The following ANO1 variants were observed in gnomAD, a reference collection of about 807,000 sequenced individuals.
ANO1 encodes the protein anoctamin-1.
ANO1 carries 59 observed loss-of-function variants against 124.0 expected under a neutral mutation model. That is an observed-to-expected ratio of 0.48 (90% CI 0.39 to 0.59). ANO1 has a LOEUF of 0.59. ANO1 is among the 20% of genes least tolerant of loss of function. ANO1 has a pLI of 0.00. For synonymous variants in ANO1, 529 were observed against 532.0 expected (o/e 0.99, Z 0.08); for missense variants, 1,059 against 1,328.0 (o/e 0.80, Z 3.15).
intron 1 of ANO1, chr11:70,064,120 G>C (rs1857660578): frequency 6.6e-6 from 1 of 152,234 alleles, no homozygotes; most frequent in Non-Finnish European, 1.5e-5. Context: ...GCTTCCCTCG[G>C]GCTCCCTATA....
At chr11:70,148,302 C>A (rs1176679165) in intron 11 of ANO1, among the ~76,000 whole-genome samples, 1 of 149,894 alleles carries the variant, frequency 6.7e-6, no homozygotes, top group Non-Finnish European at 1.5e-5. Flanking sequence ...ATGGGAATAG[C>A]GCCTACCTCC....
rs764375332 is a variant in ANO1, at chr11:70,087,963, C to T, written c.320C>T (p.Ser107Leu). The part of the protein sequence containing the change: ...QDHPLPGKGA[S>L]LDAGSGEPPM... ...CACCCCCTGCCGGGCAAGGGGGCGT[C>T]GCTGGATGCAGGCTCGGGGGAGCCC... is the stretch of plus-strand genomic sequence containing the variant. Residue 107 changes from serine to leucine, a missense_variant, in exon 2 of 26, where the codon TCG (serine) becomes TTG (leucine). This residue lies in a region of ANO1 where 250 missense variants were observed against 233.1 expected (regional missense o/e 1.07). Transcript: ENST00000355303. 37 of 1,590,294 alleles carry T rather than the reference C, an allele frequency of 2.3e-5. No individual in the cohort carries two copies. The East Asian group carries it at 5.2e-4, about 23-fold the overall frequency.
intron 1 of ANO1, among the ~76,000 whole-genome samples, chr11:70,024,028 G>A (rs929541821): frequency 2.6e-5 from 4 of 152,348 alleles, no homozygotes; most frequent in East Asian, 1.9e-4. Context: ...GGGGTCTAAT[G>A]TTTCCAAATC....
At chr11:69,971,284 C>T in the ANO1 span, among the ~76,000 whole-genome samples, 54 of 152,276 alleles carry the variant, frequency 3.5e-4, no homozygotes, top group South Asian at 4.1e-3. Flanking sequence ...GCCTAGACCA[C>T]GTGTGATTCT....
intron 1 of ANO1, among the ~76,000 whole-genome samples, chr11:70,068,609 A>G (rs782456485): frequency 1.2e-4 from 18 of 152,098 alleles, no homozygotes; most frequent in Non-Finnish European, 1.8e-4. Flanking sequence ...GGAGGGAAGG[A>G]GGGTCACAGC....
intron 1 of ANO1, among the ~76,000 whole-genome samples, chr11:70,039,802 AG>A (rs1190660772): frequency 6.6e-6 from 1 of 152,222 alleles, no homozygotes; most frequent in African/African-American, 2.4e-5. Flanking sequence ...AAGGATATTC[AG>A]AATCTTCCCT....
the ANO1 span, among the ~76,000 whole-genome samples, chr11:69,973,750 T>G: frequency 6.6e-6 from 1 of 151,596 alleles, no homozygotes; most frequent in African/African-American, 2.4e-5. Context: ...TGCGTGCCTG[T>G]AATCCCAGCT....
intron 11 of ANO1, among the ~76,000 whole-genome samples, chr11:70,147,944 T>C (rs1041008115): frequency 3.9e-5 from 6 of 152,164 alleles, no homozygotes; most frequent in Admixed American, 6.5e-5. Flanking sequence ...GTTACTCCGC[T>C]ATGAAAAGAC....
At chr11:70,000,587 T>C (rs1359014210) in intron 1 of ANO1, among the ~76,000 whole-genome samples, 1 of 151,390 alleles carries the variant, frequency 6.6e-6, no homozygotes, top group Non-Finnish European at 1.5e-5. Context: ...ACTGATACTC[T>C]GGAAGACTGA....
intron 1 of ANO1, among the ~76,000 whole-genome samples, chr11:70,035,060 A>G (rs190618515): frequency 6.6e-5 from 10 of 152,154 alleles, no homozygotes; most frequent in African/African-American, 2.4e-4. Flanking sequence ...CACTCCAAGG[A>G]CCAGGGGTGC....
At chr11:70,030,864 G>A (rs1271207583) in intron 1 of ANO1, among the ~76,000 whole-genome samples, 3 of 152,216 alleles carry the variant, frequency 2.0e-5, no homozygotes, top group African/African-American at 7.2e-5. Context: ...GAGGCAGAAG[G>A]AAGAGAAACA....
At chr11:70,006,191 T>G (rs1315967553) in intron 1 of ANO1, among the ~76,000 whole-genome samples, 1 of 152,200 alleles carries the variant, frequency 6.6e-6, no homozygotes, top group African/African-American at 2.4e-5. Context: ...ATTTCCCCAC[T>G]GGGCATGTTG....
intron 1 of ANO1, among the ~76,000 whole-genome samples, chr11:70,038,738 C>T (rs1857134289): frequency 1.3e-5 from 2 of 152,284 alleles, no homozygotes; most frequent in South Asian, 2.1e-4. Flanking sequence ...GAAGGAGAGA[C>T]TTTCAAAACC....
chr11:70,053,398 C>T (rs1000720951), intron 1 of ANO1, among the ~76,000 whole-genome samples: 2 of 152,096 alleles, frequency 1.3e-5, no homozygotes, highest in African/African-American at 4.8e-5. Flanking sequence ...TTTAACATGC[C>T]ATTTGTTGTA....
At chr11:70,031,107 G>A (rs1555003765) in intron 1 of ANO1, among the ~76,000 whole-genome samples, 1 of 152,212 alleles carries the variant, frequency 6.6e-6, no homozygotes, top group South Asian at 2.1e-4. Context: ...ACCATACCCA[G>A]CTAATTTTTG....
intron 21 of ANO1, among the ~76,000 whole-genome samples, chr11:70,168,757 G>A (rs2048346662): frequency 6.6e-6 from 1 of 152,146 alleles, no homozygotes; most frequent in Non-Finnish European, 1.5e-5. Flanking sequence ...AAAAGGGCCT[G>A]GGGGTAAGGG....
rs183863734 is a variant in ANO1 at position 70,115,591 on chromosome 11, G to A, written c.856-867G>A. Among the ~76,000 whole-genome samples, 9 of 152,178 alleles carry A rather than the reference G, an allele frequency of 5.9e-5. No homozygotes were observed. In the East Asian group the frequency reaches 1.2e-3, roughly 20 times the overall value. Reference sequence around the variant, plus strand: ...CATGCCACTGTACTCCAGCCTGAGCGATAAGAGTGAAACTCCATCTCAAAA... The same window carrying A: ...CATGCCACTGTACTCCAGCCTGAGCAATAAGAGTGAAACTCCATCTCAAAA... On this transcript the variant is annotated intron_variant, in intron 7 of 25. Coordinates refer to ENST00000355303, the MANE Select transcript of ANO1 (RefSeq NM_018043.7).
intron 8 of ANO1, among the ~76,000 whole-genome samples, chr11:70,121,317 TCTCTGC>T (rs1336810107): frequency 1.8e-4 from 27 of 151,100 alleles, no homozygotes; most frequent in Admixed American, 3.3e-4. Context: ...TCTGCCTCTG[TCTCTGC>T]CTCTCTCCCT....
chr11:70,107,741 A>G lies in ANO1; in HGVS notation c.748-612A>G, dbSNP rs371008666. 3.2e-4 allele frequency among the ~76,000 whole-genome samples: 48 copies of G among 152,202 alleles called. No individual in the cohort carries two copies. In the East Asian group the frequency reaches 3.7e-3, roughly 12 times the overall value. On this transcript the variant is annotated intron_variant, in intron 5 of 25. Transcript: ENST00000355303. ...CCAGGCAGACAGACTCCCAAGCCGG[A>G]GCTGCTGAGGCCACCAAACAAAACA...
Sources: gnomAD v4.1 joint callset for allele counts (sites outside exome capture counted in the v4.1 genomes callset) on GRCh38, gnomAD v4.1.1 for gene constraint, gnomAD v4.1.1 regional missense constraint, MANE v1.5 for transcripts, NCBI Gene and HGNC (gene_info 2026-07-23, HGNC 2026-07-21) for gene names.